Variants in MAF observed in about 807,000 individuals in gnomAD.
The protein encoded by MAF is MAF bZIP transcription factor, also known as transcription factor Maf.
In MAF, 10 loss-of-function variants were observed where a neutral mutation model predicts 22.0. The ratio of observed to expected loss-of-function variants is 0.45; its 90% CI spans 0.28 to 0.77. MAF has a LOEUF of 0.77. Among genes scored for constraint, MAF ranks in the 30% least tolerant of loss-of-function variants. The probability of loss-of-function intolerance (pLI) is 0.12; values close to 1 mark genes in which losing one functional copy is unlikely to be tolerated. For synonymous variants in MAF, 337 were observed against 255.8 expected (o/e 1.32, Z -3.03); for missense variants, 544 against 548.4 (o/e 0.99, Z 0.08).
chr16:79,288,497 C>T, the MAF span, among the ~76,000 whole-genome samples: 69 of 152,294 alleles, frequency 4.5e-4, 1 homozygote, highest in Admixed American at 2.0e-3. Flanking sequence ...TAGCTCCATA[C>T]ATCACTGAAC....
the MAF span, among the ~76,000 whole-genome samples, chr16:79,420,554 G>T: frequency 2.2e-4 from 33 of 151,850 alleles, no homozygotes; most frequent in Admixed American, 3.9e-4. Flanking sequence ...TCCCCCTACG[G>T]CCTCCCCCAC....
At chr16:79,225,238 C>G in the MAF span, among the ~76,000 whole-genome samples, 3 of 152,162 alleles carry the variant, frequency 2.0e-5, no homozygotes, top group Admixed American at 2.0e-4. Flanking sequence ...CCTTGACAAA[C>G]TTGAGAAAAA....
chr16:79,547,675 G>C, the MAF span, among the ~76,000 whole-genome samples: 1 of 152,066 alleles, frequency 6.6e-6, no homozygotes, highest in Non-Finnish European at 1.5e-5. Context: ...AGATTCATTA[G>C]GTCTACCTTG....
the MAF span, among the ~76,000 whole-genome samples, chr16:79,210,929 C>G: frequency 1.3e-5 from 2 of 152,010 alleles, no homozygotes; most frequent in South Asian, 4.2e-4. Context: ...ACCTGTGGTC[C>G]CATTGTAAAT....
At chr16:79,403,983 C>T in the MAF span, among the ~76,000 whole-genome samples, 2 of 152,048 alleles carry the variant, frequency 1.3e-5, no homozygotes, top group East Asian at 1.9e-4. Context: ...ATAAAACAAA[C>T]TCACCTCCGT....
chr16:79,525,896 C>T, the MAF span, among the ~76,000 whole-genome samples: 1 of 152,170 alleles, frequency 6.6e-6, no homozygotes, highest in African/African-American at 2.4e-5. Context: ...TTACTAACAT[C>T]CCTGCTCTAT....
the MAF span, among the ~76,000 whole-genome samples, chr16:79,455,101 A>G: frequency 4.0e-5 from 6 of 151,890 alleles, no homozygotes; most frequent in Non-Finnish European, 8.8e-5. Context: ...CGTCTTAAAA[A>G]AAAAAAAAAA....
chr16:79,457,479 C>G, the MAF span, among the ~76,000 whole-genome samples: 1 of 150,752 alleles, frequency 6.6e-6, no homozygotes, highest in African/African-American at 2.4e-5. Context: ...GTGTCAAGAG[C>G]AATACTGAAA....
chr16:79,407,996 C>A, the MAF span, among the ~76,000 whole-genome samples: 1 of 142,624 alleles, frequency 7.0e-6, no homozygotes, highest in African/African-American at 2.6e-5. Flanking sequence ...GGAGATCGAC[C>A]CTCATGACAG....
the MAF span, among the ~76,000 whole-genome samples, chr16:79,397,284 G>A: frequency 6.6e-6 from 1 of 152,158 alleles, no homozygotes; most frequent in Non-Finnish European, 1.5e-5. Context: ...GGAAAAAAAA[G>A]CACGGGATCT....
chr16:79,211,697 C>T, the MAF span: 40 of 1,614,136 alleles, frequency 2.5e-5, 1 homozygote, highest in Middle Eastern at 1.8e-3. Flanking sequence ...GCTGCCGCTG[C>T]ATGCCCTCAC....
chr16:79,479,480 G>C, the MAF span, among the ~76,000 whole-genome samples: 1 of 152,188 alleles, frequency 6.6e-6, no homozygotes. Flanking sequence ...CTGTGGTTCT[G>C]TACTTGAATG....
the MAF span, among the ~76,000 whole-genome samples, chr16:79,319,119 G>T: frequency 6.6e-6 from 1 of 151,948 alleles, no homozygotes; most frequent in Non-Finnish European, 1.5e-5. Flanking sequence ...CTAAATCCCT[G>T]GCACACTCCA....
the MAF span, among the ~76,000 whole-genome samples, chr16:79,567,320 G>GA: frequency 0.018 from 2,650 of 147,470 alleles, 37 homozygotes; most frequent in Admixed American, 0.051. Flanking sequence ...CTCCACCTCA[G>GA]AAAAAAAAAA....
the MAF span, among the ~76,000 whole-genome samples, chr16:79,580,465 G>A: frequency 6.6e-6 from 1 of 152,222 alleles, no homozygotes; most frequent in Non-Finnish European, 1.5e-5. Context: ...GAAAGCAGAA[G>A]TTCTGGAAGT....
At chr16:79,210,239 A>G in the MAF span, among the ~76,000 whole-genome samples, 2 of 152,186 alleles carry the variant, frequency 1.3e-5, no homozygotes, top group African/African-American at 4.8e-5. Context: ...CTAAAACCAA[A>G]CAACAATGAC....
chr16:79,591,633 C>T (rs946836652), downstream of MAF, among the ~76,000 whole-genome samples: 1 of 152,204 alleles, frequency 6.6e-6, no homozygotes, highest in African/African-American at 2.4e-5. Context: ...AACTGTACGA[C>T]TCTGATGAAA....
chr16:79,512,016 C>G, the MAF span, among the ~76,000 whole-genome samples: 1 of 152,200 alleles, frequency 6.6e-6, no homozygotes, highest in Non-Finnish European at 1.5e-5. Context: ...TAACCTGACA[C>G]CCAGTGCACG....
At chr16:79,355,267 G>A in the MAF span, among the ~76,000 whole-genome samples, 2 of 152,202 alleles carry the variant, frequency 1.3e-5, no homozygotes, top group Non-Finnish European at 2.9e-5. Context: ...TCTTATCTAT[G>A]GCTGAACTTG....
Sources: allele counts gnomAD v4.1 joint callset (sites outside exome capture counted in the v4.1 genomes callset), GRCh38; gene constraint gnomAD v4.1.1; transcripts MANE v1.5; gene names NCBI Gene and HGNC (gene_info 2026-07-23, HGNC 2026-07-21).